Variants in FAM193A observed in about 807,000 individuals in gnomAD.
FAM193A encodes family with sequence similarity 193 member A, also known as protein FAM193A.
Under a neutral mutation model 126.5 loss-of-function variants are expected in FAM193A, and 22 were observed. The ratio of observed to expected loss-of-function variants is 0.17; its 90% CI spans 0.12 to 0.25. The LOEUF is 0.25. Ranked by LOEUF, FAM193A falls within the 10% of genes least tolerant of loss-of-function variation. The probability of loss-of-function intolerance (pLI) is 1.00; values close to 1 mark genes in which losing one functional copy is unlikely to be tolerated. For synonymous variants in FAM193A, 761 were observed against 646.8 expected (o/e 1.18, Z -2.68); for missense variants, 1,675 against 1,672.8 (o/e 1.00, Z -0.02).
chr4:2,649,809 C>T (rs1158776684), intron 7 of FAM193A, among the ~76,000 whole-genome samples: 1 of 152,208 alleles, frequency 6.6e-6, no homozygotes, highest in Non-Finnish European at 1.5e-5. Flanking sequence ...TAGTCCATGG[C>T]CTGTTAGGAA....
intron 1 of FAM193A, among the ~76,000 whole-genome samples, chr4:2,590,496 C>A (rs376340233): frequency 0.017 from 770 of 45,076 alleles, 49 homozygotes; most frequent in African/African-American, 0.05. Context: ...CAAAAAAAAA[C>A]AAAAAAAAAC....
chr4:2,591,581 TTACCCGAGAGGA>T (rs1358657193), intron 1 of FAM193A, among the ~76,000 whole-genome samples: 4 of 152,168 alleles, frequency 2.6e-5, no homozygotes, highest in Admixed American at 6.5e-5. Flanking sequence ...TGTGCTGCTG[TTACCCGAGAGGA>T]TATTGCTTTT....
chr4:2,675,341 AT>A, intron 13 of FAM193A, among the ~76,000 whole-genome samples: 1 of 152,198 alleles, frequency 6.6e-6, no homozygotes, highest in South Asian at 2.1e-4. Flanking sequence ...TTCATTTCTG[AT>A]TGCGTGCCCT....
intron 8 of FAM193A, among the ~76,000 whole-genome samples, chr4:2,659,017 C>T (rs1228757476): frequency 6.6e-6 from 1 of 152,228 alleles, no homozygotes. Context: ...TCCCAAGGTG[C>T]TGGGATTACA....
At chr4:2,683,776 C>G (rs1212069350) in intron 13 of FAM193A, among the ~76,000 whole-genome samples, 1 of 152,228 alleles carries the variant, frequency 6.6e-6, no homozygotes, top group Non-Finnish European at 1.5e-5. Context: ...TTCCAGCATT[C>G]CACTTACCAG....
chr4:2,632,090 C>T (rs570678179), intron 5 of FAM193A, among the ~76,000 whole-genome samples: 1 of 152,080 alleles, frequency 6.6e-6, no homozygotes, highest in Non-Finnish European at 1.5e-5. Context: ...TGAGAGCTTT[C>T]TTGCAGGTGG....
At chr4:2,572,620 G>T (rs1391442253) in intron 1 of FAM193A, among the ~76,000 whole-genome samples, 1 of 152,052 alleles carries the variant, frequency 6.6e-6, no homozygotes, top group Non-Finnish European at 1.5e-5. Context: ...GCCACAGCCT[G>T]GTGTGGGAGG....
intron 20 of FAM193A, among the ~76,000 whole-genome samples, chr4:2,726,721 C>T (rs574739921): frequency 7.4e-6 from 1 of 134,968 alleles, no homozygotes; most frequent in East Asian, 2.2e-4. Flanking sequence ...ACTTGAGGGT[C>T]AGGGGTTTGA....
In FAM193A at chr4:2,646,159, C is replaced by CT. The variant is rs568447182; in HGVS notation, c.1164-498dup. 3.9e-3 allele frequency among the ~76,000 whole-genome samples: 271 copies of CT among 69,114 alleles called. 19 individuals are homozygous for CT. Among genetic ancestry groups the CT allele is most frequent in the South Asian group, 7.2e-3 (9 of 1,242 alleles). The allele number at this position is 69,114 out of a possible 152,430, so 45.3% of individuals were successfully genotyped here. A position where few individuals can be genotyped will look rare whatever the true frequency, so the allele number is the denominator to read the frequency against. On this transcript the variant is annotated intron_variant, in intron 6 of 20. Coordinates refer to ENST00000637812, the MANE Select transcript of FAM193A (RefSeq NM_001366318.2). The stretch of plus-strand genomic sequence containing the variant: ...AAGCTGTTGTTTCTTTGAGCATCTC[C>CT]TTTTTTTTTTTTTTTTTTTTTTTTT...
intron 1 of FAM193A, among the ~76,000 whole-genome samples, chr4:2,573,245 G>A (rs112040640): frequency 1.2e-4 from 19 of 152,224 alleles, no homozygotes; most frequent in African/African-American, 4.3e-4. Flanking sequence ...AGGTGCAGTG[G>A]CTCACACCTG....
intron 4 of FAM193A, among the ~76,000 whole-genome samples, chr4:2,629,478 C>G (rs1172643206): frequency 1.3e-5 from 2 of 152,112 alleles, no homozygotes; most frequent in African/African-American, 4.8e-5. Flanking sequence ...TTTTTTTAAT[C>G]CACATTTTCC....
intron 6 of FAM193A, among the ~76,000 whole-genome samples, chr4:2,640,821 C>T (rs1481016709): frequency 6.6e-6 from 1 of 151,794 alleles, no homozygotes; most frequent in Non-Finnish European, 1.5e-5. Flanking sequence ...AAAAATTAGC[C>T]GGGCTTGGTG....
intron 8 of FAM193A, among the ~76,000 whole-genome samples, chr4:2,658,190 G>C (rs1437588395): frequency 1.3e-5 from 2 of 152,220 alleles, no homozygotes; most frequent in South Asian, 2.1e-4. Context: ...CTATGAGGCA[G>C]ATGGTGCCAT....
chr4:2,614,910 C>T (rs1329855236), intron 2 of FAM193A, among the ~76,000 whole-genome samples: 1 of 152,134 alleles, frequency 6.6e-6, no homozygotes, highest in African/African-American at 2.4e-5. Flanking sequence ...TTTTTAATTT[C>T]CATAGGATCT....
chr4:2,589,847 C>A (rs1472239927), intron 1 of FAM193A, among the ~76,000 whole-genome samples: 2 of 152,114 alleles, frequency 1.3e-5, no homozygotes, highest in Non-Finnish European at 2.9e-5. Flanking sequence ...AATAAAAGAT[C>A]ATGTATAGGC....
intron 1 of FAM193A, among the ~76,000 whole-genome samples, chr4:2,578,253 TATA>T (rs1295160106): frequency 6.6e-6 from 1 of 152,142 alleles, no homozygotes; most frequent in Non-Finnish European, 1.5e-5. Context: ...CTCTGTTACT[TATA>T]ATATTTTTCT....
At chr4:2,608,270 C>T (rs941238143) in intron 2 of FAM193A, 3 of 692,984 alleles carry the variant, frequency 4.3e-6, no homozygotes, top group Non-Finnish European at 7.1e-6. Context: ...CCTTCACCTC[C>T]TGTGTTCAAG....
intron 13 of FAM193A, among the ~76,000 whole-genome samples, chr4:2,678,386 A>G (rs1221492934): frequency 7.3e-6 from 1 of 137,424 alleles, no homozygotes; most frequent in African/African-American, 2.7e-5. Context: ...TTTTTGAGAC[A>G]GAATCTCACT....
At chr4:2,691,082 G>C in intron 15 of FAM193A, 112 bp downstream of exon 15, 1 of 996,282 alleles carries the variant, frequency 1.0e-6, no homozygotes, top group Non-Finnish European at 1.5e-6. Flanking sequence ...CTAGCCAGAG[G>C]CGTAAGTGTA....
Sources: gnomAD v4.1 joint callset for allele counts (sites outside exome capture counted in the v4.1 genomes callset) on GRCh38, gnomAD v4.1.1 for gene constraint, MANE v1.5 for transcripts, NCBI Gene and HGNC (gene_info 2026-07-23, HGNC 2026-07-21) for gene names.